Variants in RANBP2 observed in about 807,000 individuals in gnomAD.
RANBP2 encodes E3 SUMO-protein ligase RanBP2.
A neutral mutation model predicts 303.6 loss-of-function variants in RANBP2; 57 were observed. That is an observed-to-expected ratio of 0.19 (90% CI 0.15 to 0.23). The LOEUF is 0.23. Ranked by LOEUF, RANBP2 falls within the 10% of genes least tolerant of loss-of-function variation. The pLI is 1.00. For synonymous variants in RANBP2, 1,167 were observed against 1,301.5 expected, an observed-to-expected ratio of 0.90 and a Z score of 2.23; for missense variants, 3,138 against 3,780.8, an observed-to-expected ratio of 0.83 and a Z score of 4.46.
the RANBP2 span, among the ~76,000 whole-genome samples, chr2:108,831,574 A>G: frequency 1.3e-5 from 2 of 152,232 alleles, no homozygotes; most frequent in Non-Finnish European, 2.9e-5. Flanking sequence ...TGAAAGTCAG[A>G]TATCTAAGAG....
downstream of RANBP2, chr2:108,787,902 T>G (rs1172414765): frequency 2.7e-5 from 21 of 768,026 alleles, no homozygotes; most frequent in East Asian, 6.7e-4. Flanking sequence ...TTTGATCACT[T>G]GGTTAAGATG....
chr2:109,486,284 T>G, the RANBP2 span, among the ~76,000 whole-genome samples: 2 of 152,168 alleles, frequency 1.3e-5, no homozygotes, highest in Non-Finnish European at 2.9e-5. Context: ...GCAAAATCTT[T>G]GGGGGTGGGG....
the RANBP2 span, among the ~76,000 whole-genome samples, chr2:109,690,271 T>C: frequency 2.0e-4 from 30 of 152,214 alleles, no homozygotes; most frequent in African/African-American, 7.0e-4. Flanking sequence ...AAGATGAACG[T>C]TGGTTCGGTC....
the RANBP2 span, among the ~76,000 whole-genome samples, chr2:109,380,282 A>G: frequency 4.0e-3 from 610 of 152,238 alleles, 4 homozygotes; most frequent in Non-Finnish European, 5.3e-3. Context: ...CTTACATTCC[A>G]TTGCTGCTGG....
chr2:109,451,877 A>G, the RANBP2 span, among the ~76,000 whole-genome samples: 1 of 152,194 alleles, frequency 6.6e-6, no homozygotes, highest in Admixed American at 6.5e-5. Context: ...GGCTGGACAC[A>G]TGCTGTGGGA....
the RANBP2 span, among the ~76,000 whole-genome samples, chr2:108,810,954 C>T: frequency 2.6e-5 from 4 of 151,936 alleles, no homozygotes; most frequent in Non-Finnish European, 5.9e-5. Context: ...CTAGGTTTTC[C>T]GGTTTGTTGG....
the RANBP2 span, among the ~76,000 whole-genome samples, chr2:109,688,953 G>T: frequency 6.7e-6 from 1 of 149,068 alleles, no homozygotes; most frequent in Admixed American, 6.7e-5. Flanking sequence ...CGTCACCCAG[G>T]CGGAGTGCAA....
the RANBP2 span, chr2:108,856,931 A>G: frequency 6.2e-7 from 1 of 1,611,890 alleles, no homozygotes; most frequent in Non-Finnish European, 8.5e-7. Flanking sequence ...ACTCCTGTCT[A>G]ATGTTATTGA....
At chr2:109,598,304 G>A in the RANBP2 span, among the ~76,000 whole-genome samples, 330 of 152,074 alleles carry the variant, frequency 2.2e-3, 6 homozygotes, top group East Asian at 0.05. Context: ...CCAACCTCAG[G>A]TGATCCGCCC....
At chr2:109,610,994 T>C in the RANBP2 span, among the ~76,000 whole-genome samples, 1 of 152,278 alleles carries the variant, frequency 6.6e-6, no homozygotes, top group African/African-American at 2.4e-5. Context: ...CAAGACTGCG[T>C]GCTAACGGAG....
chr2:109,347,583 C>A, the RANBP2 span: 1 of 1,501,312 alleles, frequency 6.7e-7, no homozygotes, highest in Non-Finnish European at 8.9e-7. Context: ...CACAGAAAGC[C>A]CCTGAGAAGC....
At chr2:109,187,621 T>C in the RANBP2 span, among the ~76,000 whole-genome samples, 4 of 152,232 alleles carry the variant, frequency 2.6e-5, no homozygotes, top group Non-Finnish European at 5.9e-5. Flanking sequence ...CCACATAGCC[T>C]AGGTATGTCT....
the RANBP2 span, among the ~76,000 whole-genome samples, chr2:109,015,950 C>T: frequency 6.6e-6 from 1 of 152,202 alleles, no homozygotes; most frequent in South Asian, 2.1e-4. Flanking sequence ...GGTGCCCCCA[C>T]TTCATGCTGT....
At chr2:108,868,248 C>T in the RANBP2 span, among the ~76,000 whole-genome samples, 1 of 152,260 alleles carries the variant, frequency 6.6e-6, no homozygotes, top group Non-Finnish European at 1.5e-5. Flanking sequence ...TGTCAGATAT[C>T]ATATTAGTAT....
the RANBP2 span, among the ~76,000 whole-genome samples, chr2:109,378,864 G>A: frequency 6.6e-6 from 1 of 152,160 alleles, no homozygotes; most frequent in African/African-American, 2.4e-5. Context: ...CCCCAGTGCT[G>A]GATAGTTCCC....
chr2:108,853,482 TGTA>T, the RANBP2 span, among the ~76,000 whole-genome samples: 1 of 152,006 alleles, frequency 6.6e-6, no homozygotes, highest in African/African-American at 2.4e-5. Flanking sequence ...TAAAAGAAGT[TGTA>T]GGAACTTTAT....
chr2:109,663,355 A>G, the RANBP2 span, among the ~76,000 whole-genome samples: 1 of 152,206 alleles, frequency 6.6e-6, no homozygotes, highest in Non-Finnish European at 1.5e-5. Context: ...TTTGAAGGCA[A>G]GGAAGGTGTT....
At chr2:109,732,667 A>G in the RANBP2 span, 547,199 of 552,972 alleles carry the variant, frequency 0.99, 270,986 homozygotes, top group East Asian at 1. Context: ...ACCGGGTTTC[A>G]TCATGTTGGC....
At chr2:109,647,459 G>C in the RANBP2 span, among the ~76,000 whole-genome samples, 3 of 150,700 alleles carry the variant, frequency 2.0e-5, no homozygotes, top group Non-Finnish European at 4.4e-5. Context: ...ACCACACCCG[G>C]CCCTCTCCTC....
Sources: allele counts gnomAD v4.1 joint callset (sites outside exome capture counted in the v4.1 genomes callset), GRCh38; gene constraint gnomAD v4.1.1; transcripts MANE v1.5; gene names NCBI Gene and HGNC (gene_info 2026-07-23, HGNC 2026-07-21).